Variants in LMCD1 observed in about 807,000 individuals in gnomAD.
LMCD1 encodes LIM and cysteine rich domains 1, also known as LIM and cysteine-rich domains protein 1.
Under a neutral mutation model 42.7 loss-of-function variants are expected in LMCD1, and 32 were observed. That is an observed-to-expected ratio of 0.75 (90% confidence interval 0.57 to 1.01). The LOEUF (loss-of-function observed/expected upper bound fraction) is 1.01, where lower values mean the gene tolerates loss of function less well. Among genes scored for constraint, LMCD1 ranks in the 50% least tolerant of loss-of-function variants. The probability of loss-of-function intolerance (pLI) is 0.00; values close to 1 mark genes in which losing one functional copy is unlikely to be tolerated. For missense variants in LMCD1, 458 were observed against 483.1 expected (o/e 0.95, Z 0.49); for synonymous variants, 178 against 184.9 (o/e 0.96, Z 0.30).
chr3:8,508,905 A>G (rs2125010094), intron 1 of LMCD1, among the ~76,000 whole-genome samples: 1 of 152,330 alleles, frequency 6.6e-6, no homozygotes, highest in East Asian at 1.9e-4. Context: ...CTTTGGCCAC[A>G]AGGTCCAGAA....
At position 8,565,563 on chromosome 3, in the gene LMCD1, C is replaced by G; in HGVS notation, c.855C>G (p.Leu285=). ...CAKCSEPLVD[L]IYFWKDGAPW... is the part of the protein sequence containing the mutation. ...AGTGCTCCGAGCCGCTGGTGGACCT[C>G]ATCTACTTCTGGAAGGATGGTGCAC... The change falls in exon 5 of 6, where the codon CTC becomes CTG. Residue 285 remains leucine, a synonymous_variant. Transcript: ENST00000157600. 6.2e-7 allele frequency: 1 copy of G among 1,614,138 alleles called. No homozygotes were observed. The highest frequency in any genetic ancestry group is 1.7e-5 in the Admixed American group (1 of 60,032).
intron 1 of LMCD1, among the ~76,000 whole-genome samples, chr3:8,505,864 G>T (rs925292304): frequency 2.6e-5 from 4 of 152,196 alleles, no homozygotes; most frequent in Non-Finnish European, 5.9e-5. Context: ...TCACCCGGGT[G>T]AGCTGATCCA....
At position 8,565,473 on chromosome 3, in the gene LMCD1, C is replaced by T. The variant is rs909794937; in HGVS notation, c.765C>T (p.Pro255=). ...AGGGAGCGGCCCCTCCTGACAGCCC[C>T]GTGGTCTACTCGGACAGGGCAGGCT... The part of the protein sequence containing the change: ...LCKGAAPPDS[P]VVYSDRAGYN... Residue 255 remains proline, a synonymous_variant, in exon 5 of 6, where the codon CCC becomes CCT. Coordinates refer to ENST00000157600, the MANE Select transcript of LMCD1 (RefSeq NM_014583.4). 6 of 1,614,194 alleles carry T rather than the reference C, an allele frequency of 3.7e-6. No homozygotes were observed. Among genetic ancestry groups the T allele is most frequent in the Non-Finnish European group, 4.2e-6 (5 of 1,180,042 alleles).
At chr3:8,566,425 C>T (rs913091488) in intron 5 of LMCD1, among the ~76,000 whole-genome samples, 1 of 152,174 alleles carries the variant, frequency 6.6e-6, no homozygotes, top group Non-Finnish European at 1.5e-5. Flanking sequence ...TTTCTACCAC[C>T]TTCTACGAAT....
chr3:8,563,430 T>C (rs1031431189), intron 4 of LMCD1, among the ~76,000 whole-genome samples: 1 of 152,210 alleles, frequency 6.6e-6, no homozygotes, highest in Non-Finnish European at 1.5e-5. Context: ...CAGCAACTAT[T>C]GATGGGGAAT....
chr3:8,571,980 G>A lies in LMCD1; in HGVS notation c.*4382G>A, dbSNP rs1452924807. On this transcript the variant is annotated 3_prime_UTR_variant, in exon 6 of 6. Transcript: ENST00000157600. ...GTTAACGCTGATGTGTTTCTACCATGTAATCCTCAGATCCAATTCAAGTGT... is the reference window on the plus strand; with the variant it reads ...GTTAACGCTGATGTGTTTCTACCATATAATCCTCAGATCCAATTCAAGTGT... 1 of 152,224 alleles carries A rather than the reference G, an allele frequency of 6.6e-6. No individual in the cohort carries two copies. The highest frequency in any genetic ancestry group is 2.4e-5 in the African/African-American group (1 of 41,462). 9.4% of individuals were successfully genotyped at this position (152,224 alleles called of 1,614,324 possible). A position where few individuals can be genotyped will look rare whatever the true frequency, so the allele number is the denominator to read the frequency against.
At chr3:8,562,608 A>C (rs1695059515) in intron 4 of LMCD1, among the ~76,000 whole-genome samples, 1 of 152,148 alleles carries the variant, frequency 6.6e-6, no homozygotes, top group African/African-American at 2.4e-5. Flanking sequence ...GATAAATAGG[A>C]ATGTGGTTGA....
chr3:8,509,995 C>T (rs1693964101), intron 1 of LMCD1, among the ~76,000 whole-genome samples: 1 of 152,124 alleles, frequency 6.6e-6, no homozygotes, highest in Non-Finnish European at 1.5e-5. Context: ...TTTTCAGAGG[C>T]AGCTGAATGT....
rs1695189062 is a variant in LMCD1, at chr3:8,570,127, T to TA, written c.*2530dup. On this transcript the variant is annotated 3_prime_UTR_variant, in exon 6 of 6. Transcript: ENST00000157600. Reference sequence around the variant, plus strand: ...AACACCTATTTGCTGGTGTTGGAGATACAGTGGTGAACATGGCCCATGGAT... The same window carrying TA: ...AACACCTATTTGCTGGTGTTGGAGATAACAGTGGTGAACATGGCCCATGGAT... The TA allele has an allele frequency of 6.6e-6, 1 of 152,520 alleles. No homozygotes were observed. Among genetic ancestry groups the TA allele is most frequent in the African/African-American group, 2.4e-5 (1 of 41,452 alleles). The allele number at this position is 152,520 out of a possible 1,614,324, so 9.4% of individuals were successfully genotyped here.
intron 1 of LMCD1, among the ~76,000 whole-genome samples, chr3:8,529,316 T>C (rs974986544): frequency 6.6e-6 from 1 of 152,356 alleles, no homozygotes; most frequent in East Asian, 1.9e-4. Flanking sequence ...TGTGGCCTGA[T>C]GACCTGAATC....
At chr3:8,552,784 C>T (rs992939367) in intron 4 of LMCD1, among the ~76,000 whole-genome samples, 17 of 152,092 alleles carry the variant, frequency 1.1e-4, no homozygotes, top group African/African-American at 3.6e-4. Flanking sequence ...AGTGCAGTGG[C>T]ACAGTCTCGG....
At chr3:8,566,995 C>T (rs1290057272) in intron 5 of LMCD1, among the ~76,000 whole-genome samples, 2 of 152,228 alleles carry the variant, frequency 1.3e-5, no homozygotes, top group Non-Finnish European at 2.9e-5. Context: ...CTCTGCACTT[C>T]CTGAGCCTCA....
In LMCD1 at chr3:8,532,789, AG is replaced by A; in HGVS notation, c.99del (p.Thr34ArgfsTer26). 1 of 1,613,602 alleles carries A rather than the reference AG, an allele frequency of 6.2e-7. No homozygotes were observed. On this transcript the variant is annotated frameshift_variant, in exon 2 of 6. Transcript: ENST00000157600. LOFTEE classifies it high-confidence loss of function. ...SARGVACLGC[K>X]GTCSGFEPHS... is the part of the protein sequence containing the mutation. ...AGAGGTGTGGCATGTTTGGGATGCAAGGGGACGTGTTCGGGCTTCGAGCCAC... is the reference window on the plus strand; with the variant it reads ...AGAGGTGTGGCATGTTTGGGATGCAAGGGACGTGTTCGGGCTTCGAGCCAC...
At chr3:8,545,454 T>C (rs1694717174) in intron 3 of LMCD1, among the ~76,000 whole-genome samples, 1 of 152,200 alleles carries the variant, frequency 6.6e-6, no homozygotes. Flanking sequence ...TTGAGAATTC[T>C]TACATTTTGC....
chr3:8,533,336 G>A (rs139463393), intron 2 of LMCD1, among the ~76,000 whole-genome samples: 5 of 152,248 alleles, frequency 3.3e-5, no homozygotes, highest in African/African-American at 7.2e-5. Flanking sequence ...AGTTGGATTC[G>A]CAGAGGTTTT....
intron 3 of LMCD1, among the ~76,000 whole-genome samples, chr3:8,545,643 A>G (rs1425135346): frequency 6.6e-6 from 1 of 152,178 alleles, no homozygotes; most frequent in Non-Finnish European, 1.5e-5. Context: ...GATTCTTGTT[A>G]AAAATGCAGA....
intron 1 of LMCD1, chr3:8,514,795 C>A: frequency 2.9e-6 from 1 of 348,484 alleles, no homozygotes; most frequent in Non-Finnish European, 5.7e-6. Context: ...TGTTCGAAAA[C>A]AGGCAAAACT....
At chr3:8,555,194 G>A (rs1435124149) in intron 4 of LMCD1, among the ~76,000 whole-genome samples, 2 of 138,878 alleles carry the variant, frequency 1.4e-5, no homozygotes, top group Non-Finnish European at 3.1e-5. Context: ...CCTCCCCCCC[G>A]CCAAAGGTCT....
chr3:8,553,602 G>A (rs912985413), intron 4 of LMCD1, among the ~76,000 whole-genome samples: 2 of 151,950 alleles, frequency 1.3e-5, no homozygotes, highest in African/African-American at 2.4e-5. Context: ...GCCAGCAGAC[G>A]GGCCCTACTG....
Sources: allele counts gnomAD v4.1 joint callset (sites outside exome capture counted in the v4.1 genomes callset), GRCh38; gene constraint gnomAD v4.1.1; transcripts MANE v1.5; gene names NCBI Gene and HGNC (gene_info 2026-07-23, HGNC 2026-07-21).